Variants in ZFAT observed in about 807,000 individuals in gnomAD.
ZFAT encodes the protein zinc finger protein ZFAT.
ZFAT carries 64 observed loss-of-function variants against 117.7 expected under a neutral mutation model. The observed-to-expected ratio is 0.54, with a 90% CI of 0.44 to 0.67. The LOEUF (loss-of-function observed/expected upper bound fraction) is 0.67. Ranked by LOEUF, ZFAT falls within the 30% of genes least tolerant of loss-of-function variation. ZFAT has a pLI of 0.00. For synonymous variants in ZFAT, 679 were observed against 615.0 expected (o/e 1.10, Z -1.54); for missense variants, 1,433 against 1,584.5 (o/e 0.90, Z 1.62).
chr8:134,665,707 G>A (rs1832182364), intron 1 of ZFAT, among the ~76,000 whole-genome samples: 1 of 147,588 alleles, frequency 6.8e-6, no homozygotes, highest in East Asian at 2.0e-4. Flanking sequence ...TGTGGTGTCT[G>A]TATCCTTCCA....
the ZFAT span, among the ~76,000 whole-genome samples, chr8:134,779,156 G>C: frequency 6.6e-6 from 1 of 152,244 alleles, no homozygotes; most frequent in Admixed American, 6.5e-5. Context: ...ATGTTCAACA[G>C]ATTGAGTGAC....
chr8:134,623,746 G>A (rs964445966), intron 3 of ZFAT, among the ~76,000 whole-genome samples: 2 of 151,982 alleles, frequency 1.3e-5, no homozygotes, highest in African/African-American at 4.8e-5. Flanking sequence ...TCTTGCAAGG[G>A]TAGTACTCCC....
At chr8:134,812,218 G>C in the ZFAT span, among the ~76,000 whole-genome samples, 1 of 152,152 alleles carries the variant, frequency 6.6e-6, no homozygotes, top group African/African-American at 2.4e-5. Context: ...ATAAGATAAT[G>C]TAATGATCAT....
chr8:134,720,430 C>T, the ZFAT span, among the ~76,000 whole-genome samples: 1 of 152,144 alleles, frequency 6.6e-6, no homozygotes, highest in East Asian at 1.9e-4. Context: ...GCTTACTTCC[C>T]CAGAAGCAAA....
chr8:134,584,437 A>C (rs1416775003), intron 9 of ZFAT, among the ~76,000 whole-genome samples: 1 of 152,258 alleles, frequency 6.6e-6, no homozygotes, highest in Non-Finnish European at 1.5e-5. Flanking sequence ...TGCAGAGCAG[A>C]CAGTCACTAA....
At chr8:134,535,188 T>A (rs533335871) in intron 11 of ZFAT, among the ~76,000 whole-genome samples, 2 of 152,342 alleles carry the variant, frequency 1.3e-5, no homozygotes, top group South Asian at 4.1e-4. Context: ...GATTTGTTCT[T>A]CTGTTCTGGT....
chr8:134,535,509 C>G (rs1016494369), intron 11 of ZFAT, among the ~76,000 whole-genome samples: 1 of 140,098 alleles, frequency 7.1e-6, no homozygotes, highest in Admixed American at 7.1e-5. Flanking sequence ...CTCCCTCTCC[C>G]TCCCTCTCCC....
intron 1 of ZFAT, among the ~76,000 whole-genome samples, chr8:134,706,413 G>A (rs994706920): frequency 9.2e-5 from 14 of 152,164 alleles, no homozygotes; most frequent in Non-Finnish European, 1.2e-4. Flanking sequence ...GGTTGCGGCC[G>A]GGAGTGGTGG....
intron 15 of ZFAT, among the ~76,000 whole-genome samples, chr8:134,488,806 G>C (rs1817833767): frequency 1.3e-5 from 2 of 152,096 alleles, no homozygotes; most frequent in Admixed American, 6.5e-5. Context: ...TGATGACACT[G>C]GTCTGTAACA....
chr8:134,503,845 T>C (rs1158725788), intron 15 of ZFAT, among the ~76,000 whole-genome samples: 1 of 152,120 alleles, frequency 6.6e-6, no homozygotes, highest in Admixed American at 6.6e-5. Flanking sequence ...GGACCCCAGC[T>C]TGCTGACAGC....
chr8:134,798,499 T>C, the ZFAT span, among the ~76,000 whole-genome samples: 1 of 152,114 alleles, frequency 6.6e-6, no homozygotes, highest in African/African-American at 2.4e-5. Context: ...AATGAAGGCA[T>C]GTACCTTCCT....
chr8:134,626,283 T>A (rs545173092), intron 3 of ZFAT, among the ~76,000 whole-genome samples: 1 of 152,250 alleles, frequency 6.6e-6, no homozygotes, highest in African/African-American at 2.4e-5. Context: ...GACCACCCAA[T>A]CAGCAGCAGC....
At chr8:134,674,069 C>T (rs1034452130) in intron 1 of ZFAT, among the ~76,000 whole-genome samples, 19 of 152,158 alleles carry the variant, frequency 1.2e-4, no homozygotes, top group Admixed American at 2.6e-4. Context: ...CTGAGGTAGC[C>T]AGTTCATCAT....
At chr8:134,672,867 T>A (rs1043643684) in intron 1 of ZFAT, among the ~76,000 whole-genome samples, 22 of 151,958 alleles carry the variant, frequency 1.4e-4, no homozygotes, top group African/African-American at 5.1e-4. Context: ...TATAACCTAA[T>A]AGAATGGATA....
chr8:134,717,502 G>T (rs865965147), upstream of ZFAT, among the ~76,000 whole-genome samples: 3 of 3,930 alleles, frequency 7.6e-4, no homozygotes, highest in Non-Finnish European at 2.6e-3. Context: ...TTTTTTTTTT[G>T]AGACGGAGTC....
chr8:134,759,761 A>G, the ZFAT span, among the ~76,000 whole-genome samples: 95 of 152,110 alleles, frequency 6.2e-4, no homozygotes, highest in African/African-American at 2.0e-3. Flanking sequence ...AGATCACCTG[A>G]GGTCAGGGGT....
intron 11 of ZFAT, among the ~76,000 whole-genome samples, chr8:134,551,178 C>G (rs769730136): frequency 6.6e-6 from 1 of 152,112 alleles, no homozygotes; most frequent in Non-Finnish European, 1.5e-5. Flanking sequence ...AATGAGAAAG[C>G]GTGGACTAAC....
intron 7 of ZFAT, among the ~76,000 whole-genome samples, chr8:134,596,757 A>C (rs1361147474): frequency 6.6e-6 from 1 of 152,212 alleles, no homozygotes; most frequent in Non-Finnish European, 1.5e-5. Flanking sequence ...TGAGTCACAA[A>C]AGACTGTATT....
the ZFAT span, among the ~76,000 whole-genome samples, chr8:134,820,420 C>CA: frequency 6.6e-6 from 1 of 152,218 alleles, no homozygotes; most frequent in Non-Finnish European, 1.5e-5. Flanking sequence ...CAAGTCTTAT[C>CA]ATCATCATAC....
Sources: gnomAD v4.1 joint callset for allele counts (sites outside exome capture counted in the v4.1 genomes callset) on GRCh38, gnomAD v4.1.1 for gene constraint, MANE v1.5 for transcripts, NCBI Gene and HGNC (gene_info 2026-07-23, HGNC 2026-07-21) for gene names.